KPNA1: variants seen among roughly 807,000 people sequenced by gnomAD.
The protein encoded by KPNA1 is importin subunit alpha-5.
Under a neutral mutation model 70.5 loss-of-function variants are expected in KPNA1, and 10 were observed. The ratio of observed to expected loss-of-function variants is 0.14; its 90% CI spans 0.09 to 0.24. The LOEUF is 0.24. Among genes scored for constraint, KPNA1 ranks in the 10% least tolerant of loss-of-function variants. The pLI is 1.00. For missense variants in KPNA1, 397 were observed against 637.9 expected, an observed-to-expected ratio of 0.62 and a Z score of 4.07; for synonymous variants, 192 against 221.9, an observed-to-expected ratio of 0.87 and a Z score of 1.20.
At chr3:122,476,800 C>A (rs770971454) in intron 2 of KPNA1, among the ~76,000 whole-genome samples, 30 of 127,756 alleles carry the variant, frequency 2.3e-4, no homozygotes, top group Middle Eastern at 5.2e-3. Flanking sequence ...GAAACCCTTG[C>A]ACATCGCTGG....
chr3:122,463,445 AG>A (rs1051870254), intron 4 of KPNA1, among the ~76,000 whole-genome samples: 1 of 151,264 alleles, frequency 6.6e-6, no homozygotes, highest in African/African-American at 2.4e-5. Flanking sequence ...CGCTTGAACC[AG>A]GGAGTCGGAG....
chr3:122,481,669 G>A (rs1290105308), intron 2 of KPNA1, among the ~76,000 whole-genome samples: 3 of 152,228 alleles, frequency 2.0e-5, no homozygotes, highest in East Asian at 1.9e-4. Flanking sequence ...TGGGTGAATT[G>A]TACAGCGTGT....
rs1429340895 is a variant in KPNA1, at chr3:122,496,344, A to ACACACACACACC, written c.129+92_129+93insGGTGTGTGTGTG. 4 of 1,160,678 alleles carry ACACACACACACC rather than the reference A, an allele frequency of 3.4e-6. No individual in the cohort carries two copies. The African/African-American group carries it at 4.6e-5, about 13-fold the overall frequency. 71.9% of individuals were successfully genotyped at this position (1,160,678 alleles called of 1,614,324 possible). A position where few individuals can be genotyped will look rare whatever the true frequency, so the allele number is the denominator to read the frequency against. On this transcript the variant is annotated intron_variant, in intron 2 of 13. Coordinates refer to ENST00000344337, the MANE Select transcript of KPNA1 (RefSeq NM_002264.4). ...AACACACACACACACACACACACAC[A>ACACACACACACC]CACACCCCAACTTTGCTAAAATGAA...
chr3:122,468,268 C>T (rs1304086430), intron 2 of KPNA1, among the ~76,000 whole-genome samples: 7 of 152,126 alleles, frequency 4.6e-5, no homozygotes, highest in African/African-American at 1.7e-4. Context: ...AGTTTAGATG[C>T]TCCTTGGATT....
Position 122,437,176 on chromosome 3 carries a change from C to T in KPNA1, c.1116G>A (p.Gln372=). The T allele has an allele frequency of 1.9e-6, 3 of 1,613,398 alleles. No homozygotes were observed. Among genetic ancestry groups the T allele is most frequent in the Non-Finnish European group, 2.5e-6 (3 of 1,179,710 alleles). The part of the protein sequence containing the change: ...ISNITAGNRA[Q]IQTVIDANIF... ...TTAGGTCCTATGAGGTTACCTGGAT[C>T]TGTGCCCTATTTCCAGCTGTAATAT... The change falls in exon 11 of 14, where the codon CAG becomes CAA. Residue 372 remains glutamine, a synonymous_variant. Coordinates refer to ENST00000344337, the MANE Select transcript of KPNA1 (RefSeq NM_002264.4).
At chr3:122,431,091 A>G (rs1196599599) in intron 12 of KPNA1, among the ~76,000 whole-genome samples, 1 of 152,228 alleles carries the variant, frequency 6.6e-6, no homozygotes, top group Non-Finnish European at 1.5e-5. Flanking sequence ...ATCCTTCATT[A>G]AGAACATGTG....
At chr3:122,450,067 T>C (rs1302838064) in intron 8 of KPNA1, among the ~76,000 whole-genome samples, 1 of 152,194 alleles carries the variant, frequency 6.6e-6, no homozygotes, top group Non-Finnish European at 1.5e-5. Flanking sequence ...AACTAGGAAA[T>C]TCTGTATTTT....
In KPNA1 at chr3:122,447,710, T is replaced by G. The variant is rs138185135; in HGVS notation, c.917+1864A>C. Reference sequence around the variant, plus strand: ...AGAGAAAGAAATAAAGGGTATTCAATTAGGAAAAGAGGAAGTCAAACTGTC... The same window carrying G: ...AGAGAAAGAAATAAAGGGTATTCAAGTAGGAAAAGAGGAAGTCAAACTGTC... On this transcript the variant is annotated intron_variant, in intron 9 of 13. Coordinates refer to ENST00000344337, the MANE Select transcript of KPNA1 (RefSeq NM_002264.4). Among the ~76,000 whole-genome samples, 1,167 of 152,260 alleles carry G rather than the reference T, an allele frequency of 7.7e-3. 9 individuals carry two copies. The highest frequency in any genetic ancestry group is 0.012 in the Non-Finnish European group (846 of 68,024).
Position 122,437,299 on chromosome 3 carries a change from A to G in KPNA1, c.997-4T>C, listed in dbSNP as rs763305623. 1.3e-6 allele frequency: 2 copies of G among 1,589,422 alleles called. No homozygotes were observed. The highest frequency in any genetic ancestry group is 1.7e-6 in the Non-Finnish European group (2 of 1,170,586). On this transcript the variant is annotated splice_polypyrimidine_tract_variant and splice_region_variant and intron_variant, in intron 10 of 13. Coordinates refer to ENST00000344337, the MANE Select transcript of KPNA1 (RefSeq NM_002264.4). ...GAGCTGAGCAATTCAGAATTACCTA[A>G]AAGAAAAAGTTTGAAAATTTTACTT...
intron 12 of KPNA1, among the ~76,000 whole-genome samples, chr3:122,429,198 C>T (rs781087582): frequency 2.0e-5 from 3 of 152,108 alleles, no homozygotes; most frequent in Non-Finnish European, 4.4e-5. Flanking sequence ...AGCCTGTAAT[C>T]CCAACTCTTC....
intron 5 of KPNA1, among the ~76,000 whole-genome samples, chr3:122,454,681 AAAAGAAATGACAACTTC>A (rs2076246184): frequency 6.6e-6 from 1 of 152,228 alleles, no homozygotes; most frequent in Non-Finnish European, 1.5e-5. Context: ...GCACATAATG[AAAAGAAATGACAACTTC>A]AAAGAATAAG....
chr3:122,435,127 T>C (rs770919670), intron 11 of KPNA1, among the ~76,000 whole-genome samples: 1 of 152,226 alleles, frequency 6.6e-6, no homozygotes, highest in Non-Finnish European at 1.5e-5. Context: ...AAATTTTTTA[T>C]TGACAAATAA....
intron 1 of KPNA1, among the ~76,000 whole-genome samples, chr3:122,510,176 G>A (rs755339044): frequency 1.3e-5 from 2 of 152,190 alleles, no homozygotes; most frequent in Non-Finnish European, 2.9e-5. Flanking sequence ...CATGTAAGAT[G>A]TCAGGAAGTT....
chr3:122,455,377 A>G (rs1576304206), intron 5 of KPNA1, among the ~76,000 whole-genome samples: 1 of 152,314 alleles, frequency 6.6e-6, no homozygotes, highest in African/African-American at 2.4e-5. Context: ...AAGAGCCCGT[A>G]TCTGGTCCCT....
At chr3:122,458,570 T>A (rs2076289020) in intron 5 of KPNA1, among the ~76,000 whole-genome samples, 1 of 152,204 alleles carries the variant, frequency 6.6e-6, no homozygotes, top group Non-Finnish European at 1.5e-5. Context: ...AGCTGAGCCA[T>A]CAAATTTCCT....
chr3:122,499,441 AT>A (rs56118558), intron 1 of KPNA1, among the ~76,000 whole-genome samples: 56,940 of 149,942 alleles, frequency 0.38, 11,112 homozygotes, highest in East Asian at 0.55. Flanking sequence ...TCACAATGTG[AT>A]TTTTTTTTCT....
rs1011783603 is a variant in KPNA1, at chr3:122,426,774, G to C, written c.*211C>G. On this transcript the variant is annotated 3_prime_UTR_variant, in exon 14 of 14. Coordinates refer to ENST00000344337, the MANE Select transcript of KPNA1 (RefSeq NM_002264.4). ...CCGTAAAAGAGAGTGGGCCGTTCTG[G>C]TTACCCTTTTATTAGAAGGGTATTC... 2.1e-6 allele frequency: 1 copy of C among 470,648 alleles called. No individual in the cohort carries two copies. The highest frequency in any genetic ancestry group is 3.7e-5 in the Admixed American group (1 of 27,216). 29.2% of individuals were successfully genotyped at this position (470,648 alleles called of 1,614,324 possible).
intron 9 of KPNA1, among the ~76,000 whole-genome samples, chr3:122,449,335 G>A (rs2076174028): frequency 6.6e-6 from 1 of 152,174 alleles, no homozygotes; most frequent in South Asian, 2.1e-4. Context: ...ACACATATCA[G>A]AGTTTTCCCA....
intron 11 of KPNA1, 137 bp downstream of exon 11, chr3:122,437,033 G>A: frequency 1.3e-6 from 1 of 774,704 alleles, no homozygotes; most frequent in East Asian, 2.6e-5. Flanking sequence ...ACGGGCCTCA[G>A]CCTCCCAGAG....
Sources: allele counts gnomAD v4.1 joint callset (sites outside exome capture counted in the v4.1 genomes callset), GRCh38; gene constraint gnomAD v4.1.1; transcripts MANE v1.5; gene names NCBI Gene and HGNC (gene_info 2026-07-23, HGNC 2026-07-21).